The following LMNTD1 variants were observed in gnomAD, a reference collection of about 807,000 sequenced individuals.
LMNTD1 encodes the protein lamin tail domain containing 1, also known as lamin tail domain-containing protein 1.
In LMNTD1, 35 loss-of-function variants were observed where a neutral mutation model predicts 50.9. The ratio of observed to expected loss-of-function variants is 0.69; its 90% confidence interval spans 0.53 to 0.91. The LOEUF is 0.91. Ranked by LOEUF, LMNTD1 falls within the 40% of genes least tolerant of loss-of-function variation. LMNTD1 has a pLI of 0.00. For synonymous variants in LMNTD1, 153 were observed against 161.9 expected, an observed-to-expected ratio of 0.94 and a Z score of 0.42; for missense variants, 470 against 475.5, an observed-to-expected ratio of 0.99 and a Z score of 0.11.
chr12:25,613,022 G>A (rs1946281120), intron 1 of LMNTD1, among the ~76,000 whole-genome samples: 1 of 152,170 alleles, frequency 6.6e-6, no homozygotes, highest in Non-Finnish European at 1.5e-5. Flanking sequence ...CATGAGCCAT[G>A]GAACGAGGAC....
intron 4 of LMNTD1, among the ~76,000 whole-genome samples, chr12:25,527,458 G>A (rs73076320): frequency 0.13 from 19,705 of 150,648 alleles, 1,364 homozygotes; most frequent in East Asian, 0.2. Context: ...TTCTATGTAC[G>A]ATCCAGGGAC....
At chr12:25,592,774 A>C (rs112208436) in intron 1 of LMNTD1, 1 of 152,352 alleles carries the variant, frequency 6.6e-6, no homozygotes, top group Non-Finnish European at 1.5e-5. Flanking sequence ...TGGGAAGAAC[A>C]AACGTCCTAC....
chr12:25,609,922 T>C (rs763403526), intron 1 of LMNTD1, among the ~76,000 whole-genome samples: 34 of 152,156 alleles, frequency 2.2e-4, no homozygotes, highest in Non-Finnish European at 4.3e-4. Context: ...TCTGTTGCCT[T>C]TTTTTCAGCT....
chr12:25,602,106 C>T (rs1447684094), intron 1 of LMNTD1, among the ~76,000 whole-genome samples: 1 of 151,700 alleles, frequency 6.6e-6, no homozygotes, highest in Non-Finnish European at 1.5e-5. Context: ...AGAAATTTGT[C>T]TTAATTAATT....
intron 1 of LMNTD1, among the ~76,000 whole-genome samples, chr12:25,603,614 A>G (rs1164565257): frequency 6.6e-6 from 1 of 152,088 alleles, no homozygotes; most frequent in Non-Finnish European, 1.5e-5. Flanking sequence ...TGAAAAAATA[A>G]AGAAATTCTA....
chr12:25,612,429 T>C (rs1162835063), intron 1 of LMNTD1, among the ~76,000 whole-genome samples: 3 of 152,256 alleles, frequency 2.0e-5, no homozygotes, highest in South Asian at 2.1e-4. Context: ...CTGTCCCTTT[T>C]TCTAGACTTC....
chr12:25,563,974 G>A (rs553365504), intron 1 of LMNTD1, among the ~76,000 whole-genome samples: 11 of 152,284 alleles, frequency 7.2e-5, no homozygotes, highest in South Asian at 2.1e-4. Context: ...CTGGTGTGCC[G>A]TTTGCTAAGG....
intron 4 of LMNTD1, among the ~76,000 whole-genome samples, chr12:25,531,888 C>T (rs1004950910): frequency 3.3e-5 from 5 of 152,166 alleles, no homozygotes; most frequent in African/African-American, 1.2e-4. Context: ...ATTCTCTCTT[C>T]TGCTATATCA....
intron 9 of LMNTD1, among the ~76,000 whole-genome samples, chr12:25,483,538 G>A (rs1413751743): frequency 2.0e-5 from 3 of 151,876 alleles, no homozygotes; most frequent in Admixed American, 6.6e-5. Flanking sequence ...TTGGGAGGCC[G>A]AGGTGGGTGG....
In LMNTD1 at chr12:25,527,697, C is replaced by CAT. The variant is rs1565976297; in HGVS notation, c.492-743_492-742insAT. 4.4e-4 allele frequency among the ~76,000 whole-genome samples: 41 copies of CAT among 94,040 alleles called. 1 individual carries two copies. The highest frequency in any genetic ancestry group is 1.8e-3 in the African/African-American group (41 of 23,422). The allele number at this position is 94,040 out of a possible 152,430, so 61.7% of individuals were successfully genotyped here. A position where few individuals can be genotyped will look rare whatever the true frequency, so the allele number is the denominator to read the frequency against. The stretch of plus-strand genomic sequence containing the variant: ...ATATATATATACACACACACACACA[C>CAT]ACACACACACACACACACACACATA... On this transcript the variant is annotated intron_variant, in intron 4 of 9. Transcript: ENST00000458174.
At chr12:25,565,802 T>C (rs975608802) in intron 1 of LMNTD1, among the ~76,000 whole-genome samples, 5 of 152,232 alleles carry the variant, frequency 3.3e-5, no homozygotes, top group African/African-American at 1.2e-4. Context: ...CAGCTTCCGA[T>C]TGTCTGAAAA....
In LMNTD1 at chr12:25,553,220, G is replaced by A; in HGVS notation, c.-182C>T. 1.3e-6 allele frequency: 2 copies of A among 1,520,814 alleles called. No individual in the cohort carries two copies. Among genetic ancestry groups the A allele is most frequent in the South Asian group, 2.7e-5 (2 of 74,756 alleles). The allele number at this position is 1,520,814 out of a possible 1,614,324, so 94.2% of individuals were successfully genotyped here. A position where few individuals can be genotyped will look rare whatever the true frequency, so the allele number is the denominator to read the frequency against. On this transcript the variant is annotated 5_prime_UTR_variant, in exon 1 of 10. Transcript: ENST00000458174. Reference sequence around the variant, plus strand: ...ATGTCGGACAAACCATGGTGCAGGTGTGTAGCATTCACTGGAAGCAGCTTG... The same window carrying A: ...ATGTCGGACAAACCATGGTGCAGGTATGTAGCATTCACTGGAAGCAGCTTG...
At position 25,583,170 on chromosome 12, in the gene LMNTD1, C is replaced by T. The variant is rs965423303; in HGVS notation, c.59-36616G>A. ...CCGAGTAGCTGGGACTACAGGTGCC[C>T]GCCACTGCGCCTGGCTAATTTTTTT... On this transcript the variant is annotated intron_variant, in intron 1 of 7. Transcript: ENST00000445693. 1.4e-5 allele frequency among the ~76,000 whole-genome samples: 2 copies of T among 147,924 alleles called. 1 individual carries two copies. The highest frequency in any genetic ancestry group is 4.0e-4 in the East Asian group (2 of 4,962).
intron 4 of LMNTD1, among the ~76,000 whole-genome samples, chr12:25,534,401 A>G (rs1942431874): frequency 6.6e-6 from 1 of 152,346 alleles, no homozygotes; most frequent in South Asian, 2.1e-4. Flanking sequence ...GAGACAGAAG[A>G]GAAATGTAGT....
intron 7 of LMNTD1, 53 bp from the exon 8 acceptor site, chr12:25,519,020 G>T: frequency 6.4e-7 from 1 of 1,556,154 alleles, no homozygotes; most frequent in Non-Finnish European, 8.8e-7. Context: ...ATGCTGTGGT[G>T]TTAATGTTGA....
chr12:25,509,706 GC>G (rs1480657966), intron 8 of LMNTD1, among the ~76,000 whole-genome samples: 1 of 152,120 alleles, frequency 6.6e-6, no homozygotes, highest in East Asian at 1.9e-4. Context: ...ATTAGTATAG[GC>G]CCTAACCCAG....
chr12:25,623,275 C>T (rs1946515318), intron 1 of LMNTD1, among the ~76,000 whole-genome samples: 1 of 151,872 alleles, frequency 6.6e-6, no homozygotes, highest in Non-Finnish European at 1.5e-5. Flanking sequence ...AGAGGTCAGG[C>T]ACGGTGGCTC....
At chr12:25,543,255 C>A (rs1943217659) in intron 4 of LMNTD1, among the ~76,000 whole-genome samples, 2 of 151,878 alleles carry the variant, frequency 1.3e-5, no homozygotes, top group Non-Finnish European at 2.9e-5. Context: ...AGACTATATC[C>A]CATCTCATTC....
At chr12:25,600,494 C>T (rs746313423) in intron 1 of LMNTD1, among the ~76,000 whole-genome samples, 2 of 151,904 alleles carry the variant, frequency 1.3e-5, no homozygotes, top group African/African-American at 4.8e-5. Context: ...AGGAAACAAT[C>T]AACAAAGTGA....
Sources: gnomAD v4.1 joint callset for allele counts (sites outside exome capture counted in the v4.1 genomes callset) on GRCh38, gnomAD v4.1.1 for gene constraint, MANE v1.5 for transcripts, NCBI Gene and HGNC (gene_info 2026-07-23, HGNC 2026-07-21) for gene names.